ZNF480: variants seen among roughly 807,000 people sequenced by gnomAD.
ZNF480 encodes zinc finger protein 480.
Under a neutral mutation model 14.4 loss-of-function variants are expected in ZNF480, and 15 were observed. That is an observed-to-expected ratio of 1.04 (90% CI 0.70 to 1.60). The LOEUF (loss-of-function observed/expected upper bound fraction) is 1.60. ZNF480 is among the 40% of genes most tolerant of loss of function. ZNF480 has a pLI of 0.00. For synonymous variants in ZNF480, 218 were observed against 215.5 expected (o/e 1.01, Z -0.10); for missense variants, 593 against 629.7 (o/e 0.94, Z 0.62).
At chr19:52,316,449 C>T (rs1267308008) in intron 4 of ZNF480, among the ~76,000 whole-genome samples, 1 of 151,992 alleles carries the variant, frequency 6.6e-6, no homozygotes, top group Admixed American at 6.6e-5. Context: ...AGGCTGGTCT[C>T]GAACTCCTGA....
chr19:52,311,909 G>T (rs1211373809), intron 2 of ZNF480, among the ~76,000 whole-genome samples: 1 of 152,176 alleles, frequency 6.6e-6, no homozygotes, highest in Non-Finnish European at 1.5e-5. Flanking sequence ...ATGTGTGCTA[G>T]TGTATATGGG....
chr19:52,316,732 C>T (rs1421833299), intron 4 of ZNF480, among the ~76,000 whole-genome samples: 1 of 151,972 alleles, frequency 6.6e-6, no homozygotes, highest in Admixed American at 6.6e-5. Context: ...TCACTGTCTC[C>T]CCTCCCGCTT....
chr19:52,301,421 G>A (rs985325671), intron 2 of ZNF480: 6 of 152,178 alleles, frequency 3.9e-5, no homozygotes, highest in Admixed American at 1.3e-4. Context: ...CCCTTTAAAT[G>A]TCTCTTAACT....
chr19:52,300,572 G>A (rs554234462), intron 2 of ZNF480, 88 bp downstream of exon 2: 99 of 1,591,910 alleles, frequency 6.2e-5, no homozygotes, highest in Non-Finnish European at 8.0e-5. Context: ...TGAGTCTGAA[G>A]TGTCCTGCCT....
intron 3 of ZNF480, among the ~76,000 whole-genome samples, chr19:52,315,073 C>A (rs554543265): frequency 6.6e-6 from 1 of 152,214 alleles, no homozygotes; most frequent in South Asian, 2.1e-4. Context: ...AGCAATTCGC[C>A]TTAGCCTCCC....
At chr19:52,303,784 G>T in intron 2 of ZNF480, among the ~76,000 whole-genome samples, 1 of 152,202 alleles carries the variant, frequency 6.6e-6, no homozygotes, top group African/African-American at 2.4e-5. Flanking sequence ...AGGTAGGAAT[G>T]CCTAGAGCAG....
chr19:52,321,364 C>T (rs1282687674), intron 4 of ZNF480, among the ~76,000 whole-genome samples: 1 of 152,156 alleles, frequency 6.6e-6, no homozygotes, highest in South Asian at 2.1e-4. Context: ...CCCTCTCAAA[C>T]TCACCTGTAA....
At position 52,321,688 on chromosome 19, in the gene ZNF480, G is replaced by T. The variant is rs1983818976; in HGVS notation, c.438G>T (p.Arg146Ser). The T allele has an allele frequency of 1.2e-6, 2 of 1,613,966 alleles. No individual in the cohort carries two copies. The highest frequency in any genetic ancestry group is 1.7e-6 in the Non-Finnish European group (2 of 1,179,952). ...LSELELFPDE[R>S]VINGCNQVEN... ...AACTGGAGCTATTTCCAGATGAAAG[G>T]GTAATAAATGGATGTAATCAAGTTG... Residue 146 changes from arginine (R) to serine (S), a missense_variant, in exon 5 of 5, where the codon AGG becomes AGT. Physicochemically the swap from Arg to Ser is moderately radical, Grantham distance 110 (BLOSUM62 -1). Coordinates refer to ENST00000595962, the MANE Select transcript of ZNF480 (RefSeq NM_144684.4).
chr19:52,300,262 G>C, intron 1 of ZNF480, 132 bp from the exon 2 acceptor site: 1 of 949,988 alleles, frequency 1.1e-6, no homozygotes, highest in Non-Finnish European at 1.5e-6. Flanking sequence ...TCTTGTCTCT[G>C]CATCAACTCT....
chr19:52,299,614 T>A (rs1046570276), intron 1 of ZNF480, among the ~76,000 whole-genome samples: 1 of 152,210 alleles, frequency 6.6e-6, no homozygotes, highest in African/African-American at 2.4e-5. Context: ...TTGCAAAAGA[T>A]ACAGATGACT....
chr19:52,321,493 G>T, intron 4 of ZNF480, 86 bp from the exon 5 acceptor site: 1 of 1,162,322 alleles, frequency 8.6e-7, no homozygotes, highest in Non-Finnish European at 1.2e-6. Context: ...GTCTGAGTCA[G>T]ATGAGGCAGA....
At chr19:52,316,146 A>G (rs1036561341) in intron 4 of ZNF480, among the ~76,000 whole-genome samples, 184 bp downstream of exon 4, 1 of 151,908 alleles carries the variant, frequency 6.6e-6, no homozygotes, top group African/African-American at 2.4e-5. Flanking sequence ...TAAATAAATA[A>G]TTTTTTTGTT....
At chr19:52,319,262 C>G (rs1313516916) in intron 4 of ZNF480, among the ~76,000 whole-genome samples, 1 of 152,158 alleles carries the variant, frequency 6.6e-6, no homozygotes, top group East Asian at 1.9e-4. Flanking sequence ...TGTAGCATTT[C>G]TTGTTGGACA....
chr19:52,303,561 A>C (rs1982792520), intron 2 of ZNF480, among the ~76,000 whole-genome samples: 1 of 152,238 alleles, frequency 6.6e-6, no homozygotes. Flanking sequence ...CATTCTACCA[A>C]GTCTGCTTTT....
chr19:52,298,928 T>C (rs1450137238), intron 1 of ZNF480, among the ~76,000 whole-genome samples: 2 of 152,194 alleles, frequency 1.3e-5, no homozygotes, highest in East Asian at 1.9e-4. Context: ...TGGGTGCAGA[T>C]GAACGGTGAG....
rs1354301327 is a variant in ZNF480, at chr19:52,309,771, CAA to C, written c.73-4379_73-4378del. On this transcript the variant is annotated intron_variant, in intron 2 of 4. Transcript: ENST00000595962. ...TCCTGAGTGGCTTCTGGATTTCTCA[CAA>C]AAGTCAGTTGGCCCACGTATTCTTG... 3.3e-5 allele frequency among the ~76,000 whole-genome samples: 5 copies of C among 152,188 alleles called. No homozygotes were observed. In the East Asian group the frequency reaches 9.6e-4, roughly 29 times the overall value.
At chr19:52,314,998 G>C (rs1281762829) in intron 3 of ZNF480, among the ~76,000 whole-genome samples, 1 of 152,110 alleles carries the variant, frequency 6.6e-6, no homozygotes, top group African/African-American at 2.4e-5. Flanking sequence ...ATTGAGTCTT[G>C]CTCTGTTGCC....
intron 2 of ZNF480, among the ~76,000 whole-genome samples, chr19:52,312,149 ATTT>A (rs10712920): frequency 2.1e-5 from 3 of 140,520 alleles, no homozygotes. Flanking sequence ...CTCATATATA[ATTT>A]TTTTTTTTTT....
intron 2 of ZNF480, chr19:52,313,865 G>C (rs964112210): frequency 2.5e-6 from 1 of 403,240 alleles, no homozygotes; most frequent in East Asian, 7.5e-5. Flanking sequence ...TGTAGTCCCA[G>C]CTACTTGGGA....
Sources: allele counts gnomAD v4.1 joint callset (sites outside exome capture counted in the v4.1 genomes callset), GRCh38; gene constraint gnomAD v4.1.1; transcripts MANE v1.5; gene names NCBI Gene and HGNC (gene_info 2026-07-23, HGNC 2026-07-21).